The following ATP2B2 variants were observed in gnomAD, a reference collection of about 807,000 sequenced individuals.
The protein encoded by ATP2B2 is ATPase plasma membrane Ca2+ transporting 2.
In ATP2B2, 15 loss-of-function variants were observed where a neutral mutation model predicts 120.0. The ratio of observed to expected loss-of-function variants is 0.12; its 90% confidence interval spans 0.08 to 0.19. ATP2B2 has a LOEUF of 0.19. Ranked by LOEUF, ATP2B2 falls within the 10% of genes least tolerant of loss-of-function variation. The probability of loss-of-function intolerance (pLI) is 1.00; values close to 1 mark genes in which losing one functional copy is unlikely to be tolerated. For synonymous variants in ATP2B2, 694 were observed against 700.3 expected (o/e 0.99, Z 0.14); for missense variants, 1,045 against 1,719.8 (o/e 0.61, Z 6.94).
intron 1 of ATP2B2, among the ~76,000 whole-genome samples, chr3:10,627,694 T>G (rs537351429): frequency 1.3e-5 from 2 of 152,286 alleles, no homozygotes; most frequent in East Asian, 1.9e-4. Context: ...TCTTCTTCAT[T>G]ACGAATTTCT....
At chr3:10,540,818 T>G (rs1006571494) in intron 2 of ATP2B2, among the ~76,000 whole-genome samples, 2 of 151,434 alleles carry the variant, frequency 1.3e-5, no homozygotes, top group Admixed American at 6.6e-5. Context: ...TGTATACATA[T>G]GTAACAAACC....
Position 10,346,581 on chromosome 3 carries a change from C to A in ATP2B2, c.2405-444G>T, listed in dbSNP as rs748757806. Reference sequence around the variant, plus strand: ...GGGGAGTCCAGGCTTGCTGAGGAGGCCTTGGCTTTGTCATTTGCCAGTGAC... The same window carrying A: ...GGGGAGTCCAGGCTTGCTGAGGAGGACTTGGCTTTGTCATTTGCCAGTGAC... On this transcript the variant is annotated intron_variant, in intron 16 of 22. Transcript: ENST00000360273. The surrounding 1 kb of genome is among the most constrained non-coding windows in gnomAD (Gnocchi z 4.1). Among the ~76,000 whole-genome samples, 1 of 152,236 alleles carries A rather than the reference C, an allele frequency of 6.6e-6. No homozygotes were observed. The highest frequency in any genetic ancestry group is 1.5e-5 in the Non-Finnish European group (1 of 68,042).
chr3:10,375,768 C>A lies in ATP2B2; in HGVS notation c.1202-124G>T. 1 of 828,258 alleles carries A rather than the reference C, an allele frequency of 1.2e-6. No homozygotes were observed. Among genetic ancestry groups the A allele is most frequent in the Non-Finnish European group, 2.0e-6 (1 of 496,884 alleles). The allele number at this position is 828,258 out of a possible 1,614,324, so 51.3% of individuals were successfully genotyped here. ...ACCCCAGCTCACCTCCCAGCTCTGCCACTCCTTGCTTTATGACCTGTGGCA... is the reference window on the plus strand; with the variant it reads ...ACCCCAGCTCACCTCCCAGCTCTGCAACTCCTTGCTTTATGACCTGTGGCA... On this transcript the variant is annotated intron_variant, in intron 10 of 22. Coordinates refer to ENST00000360273, the MANE Select transcript of ATP2B2 (RefSeq NM_001001331.4). The surrounding 1 kb of genome is among the most constrained non-coding windows in gnomAD (Gnocchi z 4.2).
At chr3:10,649,976 T>C (rs190388798) in intron 1 of ATP2B2, among the ~76,000 whole-genome samples, 5 of 152,292 alleles carry the variant, frequency 3.3e-5, no homozygotes, top group Non-Finnish European at 7.3e-5. Context: ...CAGTCTCGGG[T>C]ATGCCAATAA....
intron 16 of ATP2B2, 139 bp downstream of exon 16, chr3:10,349,973 A>C: frequency 1.2e-6 from 1 of 833,288 alleles, no homozygotes; most frequent in Non-Finnish European, 1.9e-6. Context: ...GGGGTGACAT[A>C]AGGCTGTGCC....
intron 1 of ATP2B2, among the ~76,000 whole-genome samples, chr3:10,485,787 T>G (rs11715880): frequency 0.17 from 25,787 of 151,964 alleles, 2,390 homozygotes; most frequent in Admixed American, 0.24. Flanking sequence ...CCGGCTCAGG[T>G]TGGGGCTTCC....
At chr3:10,399,485 C>T (rs1382789602) in intron 5 of ATP2B2, among the ~76,000 whole-genome samples, 1 of 152,236 alleles carries the variant, frequency 6.6e-6, no homozygotes, top group Non-Finnish European at 1.5e-5. Flanking sequence ...GGTGGAACAT[C>T]TTCATCTGAC....
intron 5 of ATP2B2, among the ~76,000 whole-genome samples, chr3:10,391,022 C>T (rs1022958856): frequency 6.6e-6 from 1 of 152,136 alleles, no homozygotes; most frequent in Non-Finnish European, 1.5e-5. Context: ...ACTGGGGTCT[C>T]ATGGCGGGTA....
intron 2 of ATP2B2, among the ~76,000 whole-genome samples, chr3:10,442,672 T>C (rs1274419306): frequency 1.3e-5 from 2 of 152,198 alleles, no homozygotes; most frequent in African/African-American, 4.8e-5. Flanking sequence ...GGCTGACATT[T>C]TTTTTAACCA....
At chr3:10,706,601 A>G (rs946455807) in intron 1 of ATP2B2, among the ~76,000 whole-genome samples, 2 of 152,206 alleles carry the variant, frequency 1.3e-5, no homozygotes, top group Non-Finnish European at 2.9e-5. Context: ...GGCCACGGGA[A>G]TGATTAACCC....
rs762979627 is a variant in ATP2B2, at chr3:10,346,180, G to C, written c.2405-43C>G. 3 of 1,595,144 alleles carry C rather than the reference G, an allele frequency of 1.9e-6. No individual in the cohort carries two copies. In the African/African-American group the frequency reaches 4.0e-5, roughly 21 times the overall value. On this transcript the variant is annotated intron_variant, in intron 16 of 22. Coordinates refer to ENST00000360273, the MANE Select transcript of ATP2B2 (RefSeq NM_001001331.4). This position sits in a 1 kb window ranked among gnomAD's most constrained non-coding sequence, Gnocchi z 4.1. Reference sequence around the variant, plus strand: ...TGCTCAGGCCCTGGGCCACTCAGGTGGGAGGCAGCCTGGGCCAGCCCTGGT... The same window carrying C: ...TGCTCAGGCCCTGGGCCACTCAGGTCGGAGGCAGCCTGGGCCAGCCCTGGT...
At chr3:10,480,227 C>A (rs1046934355) in intron 1 of ATP2B2, among the ~76,000 whole-genome samples, 1 of 152,194 alleles carries the variant, frequency 6.6e-6, no homozygotes, top group East Asian at 1.9e-4. Context: ...AATGCCCAGG[C>A]AGGCCCTCTC....
At chr3:10,547,616 C>A (rs1287027036) in intron 2 of ATP2B2, among the ~76,000 whole-genome samples, 1 of 152,092 alleles carries the variant, frequency 6.6e-6, no homozygotes, top group Non-Finnish European at 1.5e-5. Context: ...GAAAACAGGC[C>A]CAGAGAGGGA....
chr3:10,379,002 C>T (rs1477997797), intron 9 of ATP2B2, among the ~76,000 whole-genome samples: 2 of 152,202 alleles, frequency 1.3e-5, no homozygotes, highest in Admixed American at 6.5e-5. Context: ...CTGAATGGGG[C>T]GCAGAGTTCA....
chr3:10,384,719 G>A (rs1281795420), intron 8 of ATP2B2, among the ~76,000 whole-genome samples: 1 of 152,198 alleles, frequency 6.6e-6, no homozygotes, highest in East Asian at 1.9e-4. Context: ...CGAACCCCCT[G>A]CCCGTTGGCT....
At chr3:10,427,363 G>A (rs1419845399) in intron 2 of ATP2B2, among the ~76,000 whole-genome samples, 7 of 152,100 alleles carry the variant, frequency 4.6e-5, no homozygotes, top group Non-Finnish European at 2.9e-5. Context: ...ACACGAATTC[G>A]GACTCTCGGC....
chr3:10,468,038 A>G (rs2064824368), intron 1 of ATP2B2, among the ~76,000 whole-genome samples: 1 of 152,124 alleles, frequency 6.6e-6, no homozygotes, highest in Non-Finnish European at 1.5e-5. Flanking sequence ...TGACCTCGAC[A>G]CTCAATAGGC....
intron 1 of ATP2B2, among the ~76,000 whole-genome samples, chr3:10,463,627 G>A (rs999896335): frequency 6.6e-5 from 10 of 152,334 alleles, no homozygotes; most frequent in Non-Finnish European, 1.3e-4. Context: ...TGCTTTCAGA[G>A]CCCCTGCTCT....
intron 1 of ATP2B2, among the ~76,000 whole-genome samples, chr3:10,463,433 T>G (rs1217756022): frequency 1.3e-5 from 2 of 152,230 alleles, no homozygotes; most frequent in Non-Finnish European, 2.9e-5. Flanking sequence ...TTATGCCAAA[T>G]GCATTCTTGC....
Sources: allele counts gnomAD v4.1 joint callset (sites outside exome capture counted in the v4.1 genomes callset), GRCh38; gene constraint gnomAD v4.1.1; non-coding constraint Gnocchi (gnomAD v3.1); transcripts MANE v1.5; gene names NCBI Gene and HGNC (gene_info 2026-07-23, HGNC 2026-07-21).